The following NRXN2 variants were observed in gnomAD, a reference collection of about 807,000 sequenced individuals.
NRXN2 encodes the protein neurexin-2-beta.
Under a neutral mutation model 128.8 loss-of-function variants are expected in NRXN2, and 29 were observed. The ratio of observed to expected loss-of-function variants is 0.23; its 90% CI spans 0.17 to 0.31. The LOEUF (loss-of-function observed/expected upper bound fraction) is 0.31. Ranked by LOEUF, NRXN2 falls within the 10% of genes least tolerant of loss-of-function variation. The pLI, the probability that NRXN2 is intolerant of heterozygous loss-of-function variation, is 1.00. For synonymous variants in NRXN2, 1,098 were observed against 1,075.2 expected (o/e 1.02, Z -0.41); for missense variants, 1,881 against 2,452.6 (o/e 0.77, Z 4.92).
chr11:64,620,043 G>T (rs2042085898), intron 22 of NRXN2, among the ~76,000 whole-genome samples: 1 of 152,168 alleles, frequency 6.6e-6, no homozygotes, highest in South Asian at 2.1e-4. Context: ...TTCTCTCCCA[G>T]CACCTCTTGG....
At chr11:64,655,313 GAC>G (rs1416354145) in intron 11 of NRXN2, among the ~76,000 whole-genome samples, 3 of 152,200 alleles carry the variant, frequency 2.0e-5, no homozygotes, top group African/African-American at 2.4e-5. Context: ...TCAAAAGGCA[GAC>G]ACAGAGGGAA....
Position 64,667,368 on chromosome 11 carries a change from G to A in NRXN2, c.1680C>T (p.Asp560=), listed in dbSNP as rs190813714. The A allele has an allele frequency of 2.0e-4, 319 of 1,614,198 alleles. 1 individual carries two copies. The East Asian group carries it at 4.3e-3, about 22-fold the overall frequency. The part of the protein sequence containing the change: ...RADYFAMELL[D]GHLYLLLDMG... The stretch of plus-strand genomic sequence containing the variant: ...TGTCCAGCAGAAGATAGAGGTGGCC[G>A]TCCAATAGCTCCATGGCAAAGTAGT... Residue 560 remains aspartate, a synonymous_variant, in exon 9 of 23, where the codon GAC becomes GAT. Transcript: ENST00000265459. This position sits in a 1 kb window ranked among gnomAD's most constrained non-coding sequence, Gnocchi z 5.6.
chr11:64,710,748 A>T (rs114100516), intron 2 of NRXN2, among the ~76,000 whole-genome samples: 1,834 of 152,228 alleles, frequency 0.012, 40 homozygotes, highest in African/African-American at 0.042. Context: ...TTAAAACACA[A>T]GCACATGAGC....
At chr11:64,624,145 A>C (rs2042761741) in intron 20 of NRXN2, 1 of 152,246 alleles carries the variant, frequency 6.6e-6, no homozygotes, top group Non-Finnish European at 1.5e-5. Flanking sequence ...GACCTGGCTT[A>C]GCCCTTGTTA....
intron 2 of NRXN2, among the ~76,000 whole-genome samples, chr11:64,700,954 C>A (rs2055258861): frequency 1.3e-5 from 2 of 152,170 alleles, no homozygotes; most frequent in African/African-American, 2.4e-5. Context: ...TTTGTCAGGC[C>A]AATCACCGGG....
chr11:64,648,143 T>C lies in NRXN2; in HGVS notation c.3403+76A>G. ...CTCCTGAATGCTCAGAGGCCCTGTT[T>C]CCTCCCTGGCAGCCCCTATGGCTGG... is the stretch of plus-strand genomic sequence containing the variant. On this transcript the variant is annotated intron_variant, in intron 17 of 22. Coordinates refer to ENST00000265459, the MANE Select transcript of NRXN2 (RefSeq NM_015080.4). This position sits in a 1 kb window ranked among gnomAD's most constrained non-coding sequence, Gnocchi z 4.1. 1 of 1,603,222 alleles carries C rather than the reference T, an allele frequency of 6.2e-7. No homozygotes were observed. Among genetic ancestry groups the C allele is most frequent in the Non-Finnish European group, 8.5e-7 (1 of 1,171,890 alleles).
chr11:64,719,088 G>C (rs1400404615), intron 1 of NRXN2, among the ~76,000 whole-genome samples: 2 of 152,092 alleles, frequency 1.3e-5, no homozygotes, highest in Non-Finnish European at 2.9e-5. Context: ...TACACTGCCT[G>C]GCATAGACTA....
At chr11:64,613,651 G>T (rs761614124) in intron 22 of NRXN2, among the ~76,000 whole-genome samples, 1 of 152,348 alleles carries the variant, frequency 6.6e-6, no homozygotes, top group African/African-American at 2.4e-5. Flanking sequence ...GCCACCTGCT[G>T]ATCAGGCATA....
intron 9 of NRXN2, among the ~76,000 whole-genome samples, chr11:64,662,650 C>T (rs942471600): frequency 6.6e-6 from 1 of 151,826 alleles, no homozygotes; most frequent in African/African-American, 2.4e-5. Context: ...GGCGTGGTGG[C>T]GGGCGCCTGT....
intron 20 of NRXN2, among the ~76,000 whole-genome samples, chr11:64,625,377 C>T (rs918395734): frequency 3.3e-5 from 5 of 152,218 alleles, no homozygotes; most frequent in Admixed American, 6.5e-5. Flanking sequence ...AAGTTCACCC[C>T]GCTGGAGAGA....
At chr11:64,615,128 T>C (rs1394916499) in intron 22 of NRXN2, among the ~76,000 whole-genome samples, 1 of 152,220 alleles carries the variant, frequency 6.6e-6, no homozygotes, top group Non-Finnish European at 1.5e-5. Context: ...GGCAACAGAA[T>C]GTGGGCAGGA....
chr11:64,634,016 T>C (rs2135384526), intron 18 of NRXN2, among the ~76,000 whole-genome samples: 1 of 152,232 alleles, frequency 6.6e-6, no homozygotes, highest in Middle Eastern at 3.4e-3. Context: ...GGTGCAGACC[T>C]GGGATGCTTA....
chr11:64,715,400 T>G (rs759486796), intron 1 of NRXN2, among the ~76,000 whole-genome samples: 1 of 151,838 alleles, frequency 6.6e-6, no homozygotes, highest in Non-Finnish European at 1.5e-5. Context: ...TAGCCACAGG[T>G]GTAGCTCAGT....
At chr11:64,638,379 C>A (rs1158000894) in intron 17 of NRXN2, among the ~76,000 whole-genome samples, 3 of 152,192 alleles carry the variant, frequency 2.0e-5, no homozygotes, top group Admixed American at 1.3e-4. Flanking sequence ...AGACATTTCT[C>A]TCCCCAGCAC....
chr11:64,690,917 T>G (rs1202272431), intron 4 of NRXN2, among the ~76,000 whole-genome samples: 1 of 152,102 alleles, frequency 6.6e-6, no homozygotes, highest in African/African-American at 2.4e-5. Flanking sequence ...CCCTTTATGC[T>G]GGGTTAAGTT....
At chr11:64,704,656 A>AGAGAGAGAGAGG (rs2056015582) in intron 2 of NRXN2, among the ~76,000 whole-genome samples, 1 of 150,926 alleles carries the variant, frequency 6.6e-6, no homozygotes, top group Non-Finnish European at 1.5e-5. Context: ...AGAGAGAGAG[A>AGAGAGAGAGAGG]GAGAGAGAGA....
chr11:64,658,596 C>A (rs2048589969), intron 11 of NRXN2, among the ~76,000 whole-genome samples: 1 of 152,212 alleles, frequency 6.6e-6, no homozygotes. Flanking sequence ...ATACAAAGGC[C>A]AGGTGGCCAA....
In NRXN2 at chr11:64,608,076, T is replaced by C. The variant is rs1319348050; in HGVS notation, c.4259A>G (p.Glu1420Gly). ...LEECEPSTGG[E>G]LILPIITEDS... Reference sequence around the variant, plus strand: ...CTCCGTGATAATGGGCAATATTAACTCTCCTCCTAGAACAAGAGAGAGAAG... The same window carrying C: ...CTCCGTGATAATGGGCAATATTAACCCTCCTCCTAGAACAAGAGAGAGAAG... The change falls in exon 23 of 23, where the codon GAG (glutamate) becomes GGG (glycine). Residue 1420 changes from glutamate (E) to glycine (G), a missense_variant. Glu to Gly is a moderately conservative substitution (Grantham distance 98). Transcript: ENST00000265459. The C allele has an allele frequency of 8.8e-6, 14 of 1,584,878 alleles. No homozygotes were observed. Among genetic ancestry groups the C allele is most frequent in the Non-Finnish European group, 1.2e-5 (14 of 1,173,888 alleles).
At chr11:64,722,102 T>C (rs2057448663) in intron 1 of NRXN2, among the ~76,000 whole-genome samples, 1 of 152,070 alleles carries the variant, frequency 6.6e-6, no homozygotes, top group Non-Finnish European at 1.5e-5. Flanking sequence ...AGATTGCTGC[T>C]TCAGCTGGGG....
Sources: allele counts gnomAD v4.1 joint callset (sites outside exome capture counted in the v4.1 genomes callset), GRCh38; gene constraint gnomAD v4.1.1; non-coding constraint Gnocchi (gnomAD v3.1); transcripts MANE v1.5; gene names NCBI Gene and HGNC (gene_info 2026-07-23, HGNC 2026-07-21).